Variants in FAM193A observed in about 807,000 individuals in gnomAD.
The protein encoded by FAM193A is protein FAM193A.
Under a neutral mutation model 126.5 loss-of-function variants are expected in FAM193A, and 22 were observed. The observed-to-expected ratio is 0.17, with a 90% confidence interval of 0.12 to 0.25. FAM193A has a LOEUF of 0.25. FAM193A is among the 10% of genes least tolerant of loss of function. The pLI, the probability that FAM193A is intolerant of heterozygous loss-of-function variation, is 1.00. For synonymous variants in FAM193A, 761 were observed against 646.8 expected (o/e 1.18, Z -2.68); for missense variants, 1,675 against 1,672.8 (o/e 1.00, Z -0.02).
rs77719514 is a variant in FAM193A, at chr4:2,612,958, C to T, written c.502-12304C>T. 2.8e-3 allele frequency among the ~76,000 whole-genome samples: 432 copies of T among 152,264 alleles called. 1 individual carries two copies. The highest frequency in any genetic ancestry group is 7.8e-3 in the African/African-American group (325 of 41,544). On this transcript the variant is annotated intron_variant, in intron 2 of 20. Transcript: ENST00000637812. Reference sequence around the variant, plus strand: ...AACTTGTCAGTTTCTACAGAAAAGCCTGTTGGGATTTTAACTGGCATTGTG... The same window carrying T: ...AACTTGTCAGTTTCTACAGAAAAGCTTGTTGGGATTTTAACTGGCATTGTG...
chr4:2,731,039 T>C (rs771704857), intron 20 of FAM193A, among the ~76,000 whole-genome samples: 40 of 150,802 alleles, frequency 2.7e-4, no homozygotes, highest in Non-Finnish European at 5.2e-4. Context: ...CTACTAAAAA[T>C]ACAAAAATCA....
intron 1 of FAM193A, among the ~76,000 whole-genome samples, chr4:2,558,456 A>T (rs1738406954): frequency 6.6e-6 from 1 of 152,116 alleles, no homozygotes; most frequent in Non-Finnish European, 1.5e-5. Context: ...GTCATAGCTC[A>T]CTGCAGCCTC....
chr4:2,664,231 C>T (rs930599897), intron 12 of FAM193A, among the ~76,000 whole-genome samples: 4 of 152,076 alleles, frequency 2.6e-5, no homozygotes, highest in African/African-American at 9.7e-5. Flanking sequence ...AATTTTAGTT[C>T]TTAGATTCTG....
chr4:2,656,470 A>G (rs1711698348), intron 7 of FAM193A, among the ~76,000 whole-genome samples: 1 of 152,228 alleles, frequency 6.6e-6, no homozygotes. Flanking sequence ...GGCTAGGGAA[A>G]GTCACGGAAA....
At chr4:2,565,659 AACATGAGAAATGGGTTCACC>A (rs539138413) in intron 1 of FAM193A, among the ~76,000 whole-genome samples, 315 of 152,348 alleles carry the variant, frequency 2.1e-3, no homozygotes, top group African/African-American at 7.0e-3. Flanking sequence ...CAGAAAGAGT[AACATGAGAAATGGGTTCACC>A]ACATGATGCA....
chr4:2,708,738 A>G (rs1366268861), intron 19 of FAM193A, among the ~76,000 whole-genome samples: 1 of 152,086 alleles, frequency 6.6e-6, no homozygotes, highest in Non-Finnish European at 1.5e-5. Context: ...GCTGGAATTA[A>G]CAGGTGTGAG....
chr4:2,536,937 C>G lies in FAM193A; in HGVS notation c.22C>G (p.Arg8Gly), dbSNP rs1736910705. 6.7e-6 allele frequency: 1 copy of G among 149,680 alleles called. No homozygotes were observed. The highest frequency in any genetic ancestry group is 1.5e-5 in the Non-Finnish European group (1 of 67,616). 9.3% of individuals were successfully genotyped at this position (149,680 alleles called of 1,614,324 possible). A position where few individuals can be genotyped will look rare whatever the true frequency, so the allele number is the denominator to read the frequency against. Reference protein sequence around the residue: MSPADAKRGAKRRKNKRG... With the variant: MSPADAKGGAKRRKNKRG... Reference sequence around the variant, plus strand: ...CGCCATGAGCCCAGCCGACGCCAAGCGCGGGGCCAAGCGCCGGAAGAACAA... The same window carrying G: ...CGCCATGAGCCCAGCCGACGCCAAGGGCGGGGCCAAGCGCCGGAAGAACAA... The change falls in exon 1 of 21, where the codon CGC (arginine) becomes GGC (glycine). Residue 8 changes from arginine to glycine, a missense_variant. This residue lies in a region of FAM193A where 1,186 missense variants were observed against 1,109.2 expected (regional missense o/e 1.07). Coordinates refer to ENST00000637812, the MANE Select transcript of FAM193A (RefSeq NM_001366318.2).
At chr4:2,674,220 A>G (rs1409439598) in intron 13 of FAM193A, among the ~76,000 whole-genome samples, 1 of 152,232 alleles carries the variant, frequency 6.6e-6, no homozygotes, top group African/African-American at 2.4e-5. Context: ...TCTGTAAACA[A>G]ACTTGAATTG....
At chr4:2,559,411 A>G (rs1026192019) in intron 1 of FAM193A, among the ~76,000 whole-genome samples, 1 of 152,102 alleles carries the variant, frequency 6.6e-6, no homozygotes, top group Admixed American at 6.6e-5. Context: ...AGATAAAGAA[A>G]CCACCTTGCT....
rs554848115 is a variant in FAM193A at position 2,640,044 on chromosome 4, A to G, written c.1163+185A>G. Reference sequence around the variant, plus strand: ...TGAGAAGCAATACAATTAAACTTTTAAATGATAAGTCAATATAAATGCTAC... The same window carrying G: ...TGAGAAGCAATACAATTAAACTTTTGAATGATAAGTCAATATAAATGCTAC... On this transcript the variant is annotated intron_variant, in intron 6 of 20. Transcript: ENST00000637812. Among the ~76,000 whole-genome samples the G allele has an allele frequency of 2.3e-5, 3 of 132,276 alleles. No individual in the cohort carries two copies. The East Asian group carries it at 6.9e-4, about 31-fold the overall frequency. The allele number at this position is 132,276 out of a possible 152,430, so 86.8% of individuals were successfully genotyped here.
At chr4:2,697,880 G>C (rs2298964) in intron 18 of FAM193A, among the ~76,000 whole-genome samples, 58,673 of 152,008 alleles carry the variant, frequency 0.39, 11,992 homozygotes, top group Admixed American at 0.56. Flanking sequence ...GCCCTGAGAC[G>C]TCCCATTGGG....
chr4:2,570,903 C>T (rs912956272), intron 1 of FAM193A, among the ~76,000 whole-genome samples: 4 of 152,098 alleles, frequency 2.6e-5, no homozygotes, highest in Admixed American at 6.6e-5. Context: ...CTTTGAGTAC[C>T]GAACACACAG....
intron 4 of FAM193A, among the ~76,000 whole-genome samples, chr4:2,629,575 G>A (rs991216054): frequency 1.3e-5 from 2 of 152,134 alleles, no homozygotes; most frequent in East Asian, 3.8e-4. Flanking sequence ...AAATAGAACA[G>A]GTGACAACTT....
At position 2,672,391 on chromosome 4, in the gene FAM193A, G is replaced by C; in HGVS notation, c.2331+19G>C. ...CAGTAAGGTAAGTCAGGGCAAAAAG[G>C]GTCTGAAAGCTCACTCTTCACTGAG... On this transcript the variant is annotated intron_variant, in intron 13 of 20. Coordinates refer to ENST00000637812, the MANE Select transcript of FAM193A (RefSeq NM_001366318.2). 3.7e-6 allele frequency: 6 copies of C among 1,612,580 alleles called. No individual in the cohort carries two copies. Among genetic ancestry groups the C allele is most frequent in the Non-Finnish European group, 5.1e-6 (6 of 1,178,896 alleles).
chr4:2,622,257 CAAAAAAA>C (rs71178493), intron 2 of FAM193A, among the ~76,000 whole-genome samples: 2 of 55,570 alleles, frequency 3.6e-5, no homozygotes, highest in African/African-American at 6.8e-5. Context: ...ACCCTGTCTC[CAAAAAAA>C]AAAAAAAAAA....
chr4:2,635,914 A>C (rs1744042047), intron 5 of FAM193A, among the ~76,000 whole-genome samples: 1 of 152,174 alleles, frequency 6.6e-6, no homozygotes, highest in Admixed American at 6.5e-5. Context: ...TCTCATCTGC[A>C]TTCAGTCTGT....
chr4:2,631,249 G>T lies in FAM193A; in HGVS notation c.1038+80G>T, dbSNP rs546990334. On this transcript the variant is annotated intron_variant, in intron 5 of 20. Coordinates refer to ENST00000637812, the MANE Select transcript of FAM193A (RefSeq NM_001366318.2). ...TGGCAAGAGGAAGCTTCTCACGCAT[G>T]TGTGCCGACCTCGCTGTCACACCCC... 2.7e-4 allele frequency: 365 copies of T among 1,377,146 alleles called. 1 individual carries two copies. The highest frequency in any genetic ancestry group is 3.5e-4 in the Non-Finnish European group (352 of 999,970). The allele number at this position is 1,377,146 out of a possible 1,614,324, so 85.3% of individuals were successfully genotyped here.
chr4:2,674,689 G>A (rs1332173430), intron 13 of FAM193A, among the ~76,000 whole-genome samples: 1 of 152,158 alleles, frequency 6.6e-6, no homozygotes, highest in African/African-American at 2.4e-5. Context: ...AAAAAGTTTA[G>A]CATGGGTACT....
At chr4:2,625,577 G>A (rs1742869814) in intron 3 of FAM193A, 182 bp downstream of exon 3, 2 of 447,764 alleles carry the variant, frequency 4.5e-6, no homozygotes, top group East Asian at 6.8e-5. Context: ...TGAGGAACTG[G>A]CACTAGGAAG....
Sources: gnomAD v4.1 joint callset for allele counts (sites outside exome capture counted in the v4.1 genomes callset) on GRCh38, gnomAD v4.1.1 for gene constraint, gnomAD v4.1.1 regional missense constraint, MANE v1.5 for transcripts, NCBI Gene and HGNC (gene_info 2026-07-23, HGNC 2026-07-21) for gene names.